FRYL: variants seen among roughly 807,000 people sequenced by gnomAD.
The protein encoded by FRYL is FRY like transcription coactivator, also known as protein furry homolog-like.
In FRYL, 150 loss-of-function variants were observed where a neutral mutation model predicts 351.2. That is an observed-to-expected ratio of 0.43 (90% CI 0.37 to 0.49). The LOEUF (loss-of-function observed/expected upper bound fraction) is 0.49. Among genes scored for constraint, FRYL ranks in the 20% least tolerant of loss-of-function variants. FRYL has a pLI of 0.00. For missense variants in FRYL, 3,036 were observed against 3,619.3 expected (o/e 0.84, Z 4.13); for synonymous variants, 1,153 against 1,257.1 (o/e 0.92, Z 1.75).
At chr4:48,515,534 A>AT (rs375517979) in intron 55 of FRYL, among the ~76,000 whole-genome samples, 28 of 148,968 alleles carry the variant, frequency 1.9e-4, no homozygotes, top group East Asian at 3.9e-4. Flanking sequence ...TGCCCAGCTA[A>AT]TTTTTTTTTT....
At chr4:48,502,945 G>A in intron 60 of FRYL, 100 bp from the exon 61 acceptor site, 2 of 859,964 alleles carry the variant, frequency 2.3e-6, no homozygotes, top group Non-Finnish European at 1.9e-6. Context: ...GATGTTCCAG[G>A]TAAACTGAAG....
chr4:48,530,670 T>C (rs1236019468), intron 50 of FRYL, among the ~76,000 whole-genome samples: 2 of 152,170 alleles, frequency 1.3e-5, no homozygotes, highest in Non-Finnish European at 2.9e-5. Context: ...TGGAAGTGTC[T>C]GGAACACCAT....
intron 3 of FRYL, among the ~76,000 whole-genome samples, chr4:48,673,679 CTTAGTAATCA>C (rs1453630770): frequency 6.6e-6 from 1 of 152,182 alleles, no homozygotes; most frequent in Non-Finnish European, 1.5e-5. Context: ...GGCTATATCA[CTTAGTAATCA>C]AAAGGCCTCA....
chr4:48,761,050 T>TG (rs1553884575), intron 1 of FRYL, among the ~76,000 whole-genome samples: 32 of 145,490 alleles, frequency 2.2e-4, no homozygotes, highest in African/African-American at 7.0e-4. Flanking sequence ...TGTGTGTGTG[T>TG]TGAAGAGGAA....
intron 13 of FRYL, among the ~76,000 whole-genome samples, chr4:48,601,765 A>G (rs185582967): frequency 7.2e-5 from 11 of 152,148 alleles, no homozygotes; most frequent in Non-Finnish European, 1.2e-4. Flanking sequence ...TTAAGATAAT[A>G]TAAATATCAC....
At chr4:48,770,068 T>C (rs1206816633) in intron 1 of FRYL, among the ~76,000 whole-genome samples, 1 of 152,210 alleles carries the variant, frequency 6.6e-6, no homozygotes, top group African/African-American at 2.4e-5. Context: ...TGCATAGAAC[T>C]GTACACACGC....
At chr4:48,626,837 TG>T (rs1300308869) in intron 4 of FRYL, among the ~76,000 whole-genome samples, 2 of 152,128 alleles carry the variant, frequency 1.3e-5, no homozygotes, top group African/African-American at 4.8e-5. Flanking sequence ...CGATCACAAA[TG>T]TATTTACCAC....
chr4:48,540,418 A>C lies in FRYL; in HGVS notation c.6230T>G (p.Val2077Gly), dbSNP rs542279324. Residue 2077 changes from valine (V) to glycine (G), a missense_variant, in exon 46 of 64, where the codon GTG (valine) becomes GGG (glycine). By Grantham distance (109) the Val-to-Gly change is moderately radical (BLOSUM62 -3). Transcript: ENST00000358350. ...FTSASTQEMT[V>G]HLLSKLISVS... is the part of the protein sequence containing the mutation. ...AGAAATGAGTTTACTGAGGAGGTGCACGGTCATTTCTTGTGTAGATGCTGA... is the reference window on the plus strand; with the variant it reads ...AGAAATGAGTTTACTGAGGAGGTGCCCGGTCATTTCTTGTGTAGATGCTGA... 6.8e-6 allele frequency: 11 copies of C among 1,613,972 alleles called. No homozygotes were observed. The South Asian group carries it at 1.2e-4, about 18-fold the overall frequency.
At chr4:48,624,142 G>A (rs1391249033) in intron 4 of FRYL, among the ~76,000 whole-genome samples, 2 of 152,238 alleles carry the variant, frequency 1.3e-5, no homozygotes, top group East Asian at 3.9e-4. Flanking sequence ...CAGTATGACT[G>A]CTTCTTATTA....
chr4:48,754,240 T>C (rs1232394491), intron 1 of FRYL, among the ~76,000 whole-genome samples: 1 of 152,246 alleles, frequency 6.6e-6, no homozygotes, highest in Non-Finnish European at 1.5e-5. Context: ...ATTTACCTGT[T>C]GTGGATACTT....
intron 3 of FRYL, among the ~76,000 whole-genome samples, chr4:48,663,573 C>A (rs1330333454): frequency 6.6e-6 from 1 of 151,160 alleles, no homozygotes; most frequent in East Asian, 1.9e-4. Context: ...TAAAAGAGAT[C>A]CCCCTTCCTG....
chr4:48,589,936 T>G, intron 17 of FRYL, 59 bp from the exon 18 acceptor site: 12 of 1,423,184 alleles, frequency 8.4e-6, no homozygotes, highest in Non-Finnish European at 1.2e-5. Flanking sequence ...AATACTTACT[T>G]TCTGTAATAA....
intron 58 of FRYL, among the ~76,000 whole-genome samples, chr4:48,510,525 G>A (rs1393954918): frequency 1.3e-5 from 2 of 152,062 alleles, no homozygotes; most frequent in Admixed American, 6.6e-5. Context: ...GGTATTTCAC[G>A]GGTGGAGGTT....
At chr4:48,531,403 T>G (rs750092893) in intron 49 of FRYL, 50 bp from the exon 50 acceptor site, 1 of 1,136,370 alleles carries the variant, frequency 8.8e-7, no homozygotes, top group East Asian at 2.3e-5. Context: ...CACATTCAAC[T>G]AAGAACAACA....
chr4:48,591,562 C>G (rs1008329009), intron 16 of FRYL, among the ~76,000 whole-genome samples: 1 of 152,152 alleles, frequency 6.6e-6, no homozygotes, highest in East Asian at 1.9e-4. Flanking sequence ...CCTTTCCCTC[C>G]TGAAACACTC....
chr4:48,684,468 T>A (rs1261764719), intron 3 of FRYL, among the ~76,000 whole-genome samples: 1 of 152,148 alleles, frequency 6.6e-6, no homozygotes, highest in Non-Finnish European at 1.5e-5. Flanking sequence ...ACTGACAGGA[T>A]CTATAAGGAG....
intron 59 of FRYL, among the ~76,000 whole-genome samples, chr4:48,508,248 A>G (rs572361510): frequency 7.9e-5 from 12 of 152,312 alleles, no homozygotes; most frequent in African/African-American, 2.9e-4. Context: ...AGTTGTTTGA[A>G]TTTCCATATA....
Position 48,582,727 on chromosome 4 carries a change from T to C in FRYL, c.1756A>G (p.Ile586Val), listed in dbSNP as rs184024020. Residue 586 changes from isoleucine to valine, a missense_variant, in exon 20 of 64, where the codon ATT becomes GTT. Physicochemically the swap from Ile to Val is conservative, Grantham distance 29. Coordinates refer to ENST00000358350, the MANE Select transcript of FRYL (RefSeq NM_015030.2). The part of the protein sequence containing the change: ...DLIELLARLT[I>V]HMDEELRALA... ...GCACGCAGTTCTTCATCCATATGAA[T>C]TGTGAGCCTACCAAGAACAAAATTC... The C allele has an allele frequency of 9.9e-4, 1,600 of 1,612,456 alleles. 4 individuals carry two copies. The highest frequency in any genetic ancestry group is 1.3e-3 in the Non-Finnish European group (1,483 of 1,178,686).
In FRYL at chr4:48,579,235, A is replaced by C. The variant is rs1172011797; in HGVS notation, c.2266T>G (p.Leu756Val). ...IHLTGADQTT[L>V]LYCPSSIDLQ... ...TCTATCGAGCTAGGGCAATAGAGCA[A>C]AGTAGTCTATATGGAGAGGAAAAAA... The change falls in exon 23 of 64, where the codon TTG (leucine) becomes GTG (valine). Residue 756 changes from leucine to valine, a missense_variant. Leu to Val is a conservative substitution (Grantham distance 32). Transcript: ENST00000358350. The C allele has an allele frequency of 3.7e-6, 6 of 1,608,266 alleles. No homozygotes were observed. Among genetic ancestry groups the C allele is most frequent in the African/African-American group, 1.3e-5 (1 of 74,622 alleles).
Sources: gnomAD v4.1 joint callset for allele counts (sites outside exome capture counted in the v4.1 genomes callset) on GRCh38, gnomAD v4.1.1 for gene constraint, MANE v1.5 for transcripts, NCBI Gene and HGNC (gene_info 2026-07-23, HGNC 2026-07-21) for gene names.